RNF121: variants seen among roughly 807,000 people sequenced by gnomAD.
RNF121 encodes E3 ubiquitin ligase RNF121.
RNF121 carries 21 observed loss-of-function variants against 46.5 expected under a neutral mutation model. The observed-to-expected ratio is 0.45, with a 90% CI of 0.32 to 0.65. The LOEUF is 0.65. RNF121 is among the 30% of genes least tolerant of loss of function. The pLI is 0.04. For synonymous variants in RNF121, 139 were observed against 144.7 expected (o/e 0.96, Z 0.28); for missense variants, 346 against 416.0 (o/e 0.83, Z 1.46).
At chr11:71,947,149 C>A (rs1284318715) in intron 1 of RNF121, among the ~76,000 whole-genome samples, 1 of 152,068 alleles carries the variant, frequency 6.6e-6, no homozygotes, top group Non-Finnish European at 1.5e-5. Context: ...CAGGCTTGAG[C>A]CACTGTGCCT....
rs71958930 is a variant in RNF121, at chr11:71,938,314, A to ATTTTTT, written c.63+9208_63+9213dup. Among the ~76,000 whole-genome samples the ATTTTTT allele has an allele frequency of 2.8e-3, 269 of 94,870 alleles. 6 individuals are homozygous for ATTTTTT. The highest frequency in any genetic ancestry group is 3.0e-3 in the Non-Finnish European group (152 of 50,662). 62.2% of individuals were successfully genotyped at this position (94,870 alleles called of 152,430 possible). On this transcript the variant is annotated intron_variant, in intron 1 of 8. Coordinates refer to ENST00000361756, the MANE Select transcript of RNF121 (RefSeq NM_018320.5). Reference sequence around the variant, plus strand: ...AGCATTTTACGTGTGTAGTCTCTTAATTTTTTTTTTTTTTTTTTTTTTTGA... The same window carrying ATTTTTT: ...AGCATTTTACGTGTGTAGTCTCTTAATTTTTTTTTTTTTTTTTTTTTTTTTTTTTGA...
intron 1 of RNF121, among the ~76,000 whole-genome samples, chr11:71,945,298 TTTTA>T (rs1474741259): frequency 6.6e-6 from 1 of 152,202 alleles, no homozygotes; most frequent in Non-Finnish European, 1.5e-5. Context: ...CAAGATTCAC[TTTTA>T]TTTATTTATT....
intron 6 of RNF121, among the ~76,000 whole-genome samples, chr11:71,992,518 C>T (rs1954884142): frequency 6.6e-6 from 1 of 152,108 alleles, no homozygotes; most frequent in Admixed American, 6.6e-5. Context: ...TATCAATTAG[C>T]CTGTGGTAAA....
chr11:71,993,506 A>G (rs1954907696), intron 6 of RNF121, among the ~76,000 whole-genome samples: 1 of 152,156 alleles, frequency 6.6e-6, no homozygotes, highest in Non-Finnish European at 1.5e-5. Flanking sequence ...TAGTGTTTTC[A>G]GAGTTCATCC....
At chr11:71,965,863 A>T (rs1416324554) in intron 3 of RNF121, among the ~76,000 whole-genome samples, 1 of 152,242 alleles carries the variant, frequency 6.6e-6, no homozygotes, top group Non-Finnish European at 1.5e-5. Flanking sequence ...GGTGTAGGGT[A>T]TAGTCAGTAT....
chr11:71,971,220 C>CA (rs1245259181), intron 3 of RNF121, among the ~76,000 whole-genome samples: 2 of 151,778 alleles, frequency 1.3e-5, no homozygotes, highest in African/African-American at 2.4e-5. Context: ...CCTATCTCTA[C>CA]AAAAAATAAA....
intron 3 of RNF121, among the ~76,000 whole-genome samples, chr11:71,979,951 T>C (rs1396198873): frequency 1.3e-5 from 2 of 152,218 alleles, no homozygotes; most frequent in African/African-American, 4.8e-5. Flanking sequence ...CTTCCAGCCC[T>C]TCTTTCCATA....
intron 1 of RNF121, among the ~76,000 whole-genome samples, chr11:71,936,556 C>A (rs960501172): frequency 1.3e-5 from 2 of 151,874 alleles, no homozygotes; most frequent in Non-Finnish European, 2.9e-5. Context: ...CGCCTGGCTA[C>A]TTTTTATTTT....
chr11:71,937,595 A>G (rs1953450046), intron 1 of RNF121, among the ~76,000 whole-genome samples: 1 of 152,234 alleles, frequency 6.6e-6, no homozygotes, highest in South Asian at 2.1e-4. Flanking sequence ...TAATCGTTCC[A>G]TGGTCAGCCT....
At chr11:71,984,992 A>G (rs373262124) in intron 4 of RNF121, among the ~76,000 whole-genome samples, 3 of 151,884 alleles carry the variant, frequency 2.0e-5, no homozygotes, top group Admixed American at 6.6e-5. Context: ...CATGATCACA[A>G]CTCACTGCAG....
At chr11:71,985,093 T>A (rs1265768917) in intron 4 of RNF121, among the ~76,000 whole-genome samples, 1 of 152,136 alleles carries the variant, frequency 6.6e-6, no homozygotes, top group African/African-American at 2.4e-5. Context: ...GGCTATTTTT[T>A]AATTTTTATT....
At chr11:71,942,668 G>A (rs1199732554) in intron 1 of RNF121, among the ~76,000 whole-genome samples, 1 of 151,654 alleles carries the variant, frequency 6.6e-6, no homozygotes, top group Non-Finnish European at 1.5e-5. Flanking sequence ...GGAGGCTGAG[G>A]CAGGAGAATC....
At chr11:71,968,534 A>G (rs1227129508) in intron 3 of RNF121, among the ~76,000 whole-genome samples, 1 of 152,236 alleles carries the variant, frequency 6.6e-6, no homozygotes, top group African/African-American at 2.4e-5. Flanking sequence ...TGGACCTCTC[A>G]TTCTCAAATC....
At position 71,931,298 on chromosome 11, in the gene RNF121, GTTAC is replaced by G. The variant is rs533700609; in HGVS notation, c.63+2177_63+2180del. 9.2e-5 allele frequency among the ~76,000 whole-genome samples: 14 copies of G among 152,258 alleles called. No homozygotes were observed. In the East Asian group the frequency reaches 2.5e-3, roughly 27 times the overall value. On this transcript the variant is annotated intron_variant, in intron 1 of 8. Coordinates refer to ENST00000361756, the MANE Select transcript of RNF121 (RefSeq NM_018320.5). ...CACTAGCATTCATTCCAGGAACCTT[GTTAC>G]TTGTTTCATTTCCTGAGAAAAGGTA...
At position 71,949,409 on chromosome 11, in the gene RNF121, C is replaced by A. The variant is rs75193665; in HGVS notation, c.64-7818C>A. ...CTCCAGCTTGGGCGACAGAGTGAGA[C>A]CCTGTCTCAAAAAAACAAAAACAGG... On this transcript the variant is annotated intron_variant, in intron 1 of 8. Coordinates refer to ENST00000361756, the MANE Select transcript of RNF121 (RefSeq NM_018320.5). Among the ~76,000 whole-genome samples, 628 of 152,122 alleles carry A rather than the reference C, an allele frequency of 4.1e-3. 8 individuals are homozygous for A. Among genetic ancestry groups the A allele is most frequent in the African/African-American group, 0.015 (606 of 41,504 alleles).
At chr11:71,994,880 A>G (rs1314520716) in intron 7 of RNF121, 28 bp downstream of exon 7, 2 of 1,613,816 alleles carry the variant, frequency 1.2e-6, no homozygotes, top group Non-Finnish European at 1.7e-6. Context: ...CCTGGGCCAC[A>G]TCTCTCCTGC....
At chr11:71,986,769 C>CAAAAAAAAA (rs11315989) in intron 4 of RNF121, among the ~76,000 whole-genome samples, 2 of 71,966 alleles carry the variant, frequency 2.8e-5, no homozygotes, top group Non-Finnish European at 2.8e-5. Flanking sequence ...ACTCTCATCT[C>CAAAAAAAAA]AAAAAAAAAA....
chr11:71,945,436 C>A (rs1314964934), intron 1 of RNF121, among the ~76,000 whole-genome samples: 5 of 152,176 alleles, frequency 3.3e-5, no homozygotes, highest in Non-Finnish European at 7.3e-5. Context: ...AATATCATCC[C>A]CACTGTTTGT....
chr11:71,930,345 T>C (rs1195812628), intron 1 of RNF121, among the ~76,000 whole-genome samples: 3 of 152,034 alleles, frequency 2.0e-5, no homozygotes, highest in Admixed American at 1.3e-4. Flanking sequence ...TTGGGGATGA[T>C]TGAAGATGAG....
Sources: gnomAD v4.1 joint callset for allele counts (sites outside exome capture counted in the v4.1 genomes callset) on GRCh38, gnomAD v4.1.1 for gene constraint, MANE v1.5 for transcripts, NCBI Gene and HGNC (gene_info 2026-07-23, HGNC 2026-07-21) for gene names.